Variants in DBNDD2 observed in about 807,000 individuals in gnomAD.
The protein encoded by DBNDD2 is dysbindin domain containing 2, also known as dysbindin domain-containing protein 2.
Under a neutral mutation model 14.0 loss-of-function variants are expected in DBNDD2, and 8 were observed. The ratio of observed to expected loss-of-function variants is 0.57; its 90% CI spans 0.33 to 1.03. The LOEUF is 1.03. Ranked by LOEUF, DBNDD2 falls within the 50% of genes least tolerant of loss-of-function variation. The pLI is 0.03. For synonymous variants in DBNDD2, 94 were observed against 85.3 expected (o/e 1.10, Z -0.56); for missense variants, 194 against 206.0 (o/e 0.94, Z 0.36).
chr20:45,408,464 T>A lies in DBNDD2; in HGVS notation c.-4T>A. On this transcript the variant is annotated 5_prime_UTR_variant, in exon 1 of 3. It removes the in-frame stop codon of an upstream open reading frame in the 5' UTR. Transcript: ENST00000372710. ...GTTTTGCTCCTCTACCCGCAGGAGC[T>A]GACATGGACCCAAATCCTCGGGCCG... The A allele has an allele frequency of 6.2e-7, 1 of 1,614,242 alleles. No homozygotes were observed. The highest frequency in any genetic ancestry group is 1.3e-5 in the African/African-American group (1 of 75,068).
At chr20:45,408,752 C>G in intron 1 of DBNDD2, 49 bp from the exon 2 acceptor site, 2 of 1,592,504 alleles carry the variant, frequency 1.3e-6, no homozygotes, top group Non-Finnish European at 1.7e-6. Context: ...TCTCACTGTC[C>G]TGGTGTGCAG....
Position 45,410,492 on chromosome 20 carries a change from G to T in DBNDD2, c.*352G>T. The T allele has an allele frequency of 3.4e-6, 1 of 291,170 alleles. No homozygotes were observed. The allele number at this position is 291,170 out of a possible 1,614,324, so 18.0% of individuals were successfully genotyped here. ...ACAGTCTCTCAGACAAGTGTCTCTAGATGGATGTGAACTCCTTAACTCATC... is the reference window on the plus strand; with the variant it reads ...ACAGTCTCTCAGACAAGTGTCTCTATATGGATGTGAACTCCTTAACTCATC... On this transcript the variant is annotated 3_prime_UTR_variant, in exon 3 of 3. Coordinates refer to ENST00000372710, the MANE Select transcript of DBNDD2 (RefSeq NM_001048225.4).
Position 45,410,318 on chromosome 20 carries a change from A to G in DBNDD2, c.*178A>G, listed in dbSNP as rs1258427201. 1.9e-5 allele frequency: 14 copies of G among 741,168 alleles called. No homozygotes were observed. The East Asian group carries it at 3.0e-4, about 16-fold the overall frequency. The allele number at this position is 741,168 out of a possible 1,614,324, so 45.9% of individuals were successfully genotyped here. On this transcript the variant is annotated 3_prime_UTR_variant, in exon 3 of 3. Coordinates refer to ENST00000372710, the MANE Select transcript of DBNDD2 (RefSeq NM_001048225.4). ...TTAACCCTCTCCTGCTTTACTGCTAATTTTTTCCTGCTGCAACCCTCCCAC... is the reference window on the plus strand; with the variant it reads ...TTAACCCTCTCCTGCTTTACTGCTAGTTTTTTCCTGCTGCAACCCTCCCAC...
chr20:45,408,402 C>G lies in DBNDD2; in HGVS notation c.-66C>G. 6.2e-7 allele frequency: 1 copy of G among 1,614,026 alleles called. No individual in the cohort carries two copies. The highest frequency in any genetic ancestry group is 8.5e-7 in the Non-Finnish European group (1 of 1,180,038). The stretch of plus-strand genomic sequence containing the variant: ...GCAGTGGGGCGCCCCAAGCCCAGGT[C>G]CCCTCTGTCTTCTCTTTCGACTTTG... On this transcript the variant is annotated 5_prime_UTR_variant, in exon 1 of 3. Transcript: ENST00000372710.
chr20:45,410,485 G>T lies in DBNDD2; in HGVS notation c.*345G>T, dbSNP rs890474230. On this transcript the variant is annotated 3_prime_UTR_variant, in exon 3 of 3. Coordinates refer to ENST00000372710, the MANE Select transcript of DBNDD2 (RefSeq NM_001048225.4). ...TTCTAATACAGTCTCTCAGACAAGT[G>T]TCTCTAGATGGATGTGAACTCCTTA... 1.0e-5 allele frequency: 3 copies of T among 297,270 alleles called. No individual in the cohort carries two copies. The highest frequency in any genetic ancestry group is 2.0e-5 in the Non-Finnish European group (3 of 152,468). The allele number at this position is 297,270 out of a possible 1,614,324, so 18.4% of individuals were successfully genotyped here.
At chr20:45,407,411 T>C (rs928059057), upstream of DBNDD2, 1 of 985,606 alleles carries the variant, frequency 1.0e-6, no homozygotes, top group Non-Finnish European at 1.2e-6. Context: ...GCAGATGAGG[T>C]GGGGAAGGCA....
upstream of DBNDD2, chr20:45,407,751 T>G: frequency 9.9e-7 from 1 of 1,009,018 alleles, no homozygotes; most frequent in Non-Finnish European, 1.2e-6. Flanking sequence ...TAGCTCACCT[T>G]CACAAGCAGG....
At chr20:45,407,572 C>T, upstream of DBNDD2, 1 of 986,660 alleles carries the variant, frequency 1.0e-6, no homozygotes, top group Non-Finnish European at 1.2e-6. Flanking sequence ...GGCAGGGTCT[C>T]AGCTTCTCAG....
upstream of DBNDD2, chr20:45,407,323 C>A (rs1989497978): frequency 1.0e-6 from 1 of 985,792 alleles, no homozygotes; most frequent in Non-Finnish European, 1.2e-6. Flanking sequence ...CGTGGCCCTG[C>A]CTTGGCCAGT....
In DBNDD2 at chr20:45,408,894, T is replaced by G; in HGVS notation, c.233T>G (p.Val78Gly). 1 of 1,614,200 alleles carries G rather than the reference T, an allele frequency of 6.2e-7. No individual in the cohort carries two copies. Among genetic ancestry groups the G allele is most frequent in the East Asian group, 2.2e-5 (1 of 44,892 alleles). Residue 78 changes from valine (V) to glycine (G), a missense_variant, in exon 2 of 3, where the codon GTG (valine) becomes GGG (glycine). Val to Gly is a moderately radical substitution (Grantham distance 109). Transcript: ENST00000372710. ...IDLGDPDAAD[V>G]FLPCEDPPPT... ...CTTGGGGACCCGGATGCAGCAGATG[T>G]GTTCTTGCCTTGCGAAGATCCTCCA...
intron 2 of DBNDD2, 23 bp from the exon 3 acceptor site, chr20:45,409,909 G>C: frequency 1.3e-6 from 2 of 1,551,384 alleles, no homozygotes; most frequent in South Asian, 2.4e-5. Context: ...TTTGTGGCCT[G>C]ACCAGCTTTT....
chr20:45,408,239 G>T (rs1989589017), upstream of DBNDD2: 1 of 1,551,286 alleles, frequency 6.4e-7, no homozygotes, highest in Non-Finnish European at 8.7e-7. Context: ...CATCCCCTTT[G>T]TGGAGCTTAG....
upstream of DBNDD2, chr20:45,408,160 A>C (rs1748070410): frequency 1.9e-6 from 3 of 1,545,628 alleles, no homozygotes; most frequent in East Asian, 7.4e-5. Flanking sequence ...GGAGGGCATG[A>C]TATGGAGAGT....
chr20:45,406,389 T>C, upstream of DBNDD2: 2 of 1,418,836 alleles, frequency 1.4e-6, no homozygotes, highest in Non-Finnish European at 1.9e-6. Flanking sequence ...GAGCGGAGAC[T>C]AGCGCACCGG....
chr20:45,409,099 T>C, intron 2 of DBNDD2, 161 bp downstream of exon 2: 3 of 1,468,792 alleles, frequency 2.0e-6, no homozygotes, highest in African/African-American at 1.4e-5. Context: ...TTTAGGGAAG[T>C]TGACCCTGAG....
chr20:45,407,097 A>T (rs1281043235), upstream of DBNDD2: 1 of 171,952 alleles, frequency 5.8e-6, no homozygotes, highest in African/African-American at 2.4e-5. Context: ...GGGGAGGGGA[A>T]AAGAGAGGGG....
intron 1 of DBNDD2, 96 bp downstream of exon 1, chr20:45,408,702 T>C: frequency 1.3e-5 from 20 of 1,579,752 alleles, no homozygotes; most frequent in Non-Finnish European, 1.7e-5. Flanking sequence ...TCTGGTTTTC[T>C]TGGCCCTCTA....
Position 45,408,623 on chromosome 20 carries a change from G to T in DBNDD2, c.139+17G>T. 6.2e-7 allele frequency: 1 copy of T among 1,608,944 alleles called. No individual in the cohort carries two copies. Among genetic ancestry groups the T allele is most frequent in the Non-Finnish European group, 8.5e-7 (1 of 1,176,268 alleles). On this transcript the variant is annotated intron_variant, in intron 1 of 2. Transcript: ENST00000372710. The stretch of plus-strand genomic sequence containing the variant: ...CGCAGAGACGTAAGTCCCAAGTCCT[G>T]AGAAGAGGGACTGGGGTAGGGTAGG...
At chr20:45,407,545 C>T, upstream of DBNDD2, 1 of 986,312 alleles carries the variant, frequency 1.0e-6, no homozygotes, top group Non-Finnish European at 1.2e-6. Context: ...TGGGCTGGCC[C>T]ATAGCCTCAG....
Sources: gnomAD v4.1 joint callset for allele counts on GRCh38, gnomAD v4.1.1 for gene constraint, MANE v1.5 for transcripts, NCBI Gene and HGNC (gene_info 2026-07-23, HGNC 2026-07-21) for gene names.